Variants in FCN2 observed in about 807,000 individuals in gnomAD.
The protein encoded by FCN2 is ficolin-2.
A neutral mutation model predicts 32.5 loss-of-function variants in FCN2; 31 were observed. That is an observed-to-expected ratio of 0.96 (90% confidence interval 0.72 to 1.29). The LOEUF is 1.29. FCN2 is among the 50% of genes most tolerant of loss of function. FCN2 has a pLI of 0.00. For missense variants in FCN2, 412 were observed against 406.5 expected, an observed-to-expected ratio of 1.01 and a Z score of -0.12; for synonymous variants, 181 against 164.5, an observed-to-expected ratio of 1.10 and a Z score of -0.77.
In FCN2 at chr9:134,886,489, T is replaced by C. The variant is rs1262621132; in HGVS notation, c.619T>C (p.Tyr207His). The C allele has an allele frequency of 1.4e-5, 23 of 1,614,004 alleles. No homozygotes were observed. The highest frequency in any genetic ancestry group is 1.9e-5 in the Non-Finnish European group (23 of 1,180,028). ...TGAGGACAACTACCAGTTTGCTAAG[T>C]ACAGATCATTCAAGGTGGCCGACGA... ...DFEDNYQFAK[Y>H]RSFKVADEAE... The change falls in exon 7 of 8, where the codon TAC becomes CAC. Residue 207 changes from tyrosine to histidine, a missense_variant. Physicochemically the swap from Tyr to His is moderately conservative, Grantham distance 83. Transcript: ENST00000291744.
Position 134,886,484 on chromosome 9 carries a change from C to T in FCN2, c.614C>T (p.Ala205Val). The change falls in exon 7 of 8, where the codon GCT becomes GTT. Residue 205 changes from alanine (A) to valine (V), a missense_variant. Transcript: ENST00000291744. The stretch of plus-strand genomic sequence containing the variant: ...GACTTTGAGGACAACTACCAGTTTG[C>T]TAAGTACAGATCATTCAAGGTGGCC... ...LVDFEDNYQF[A>V]KYRSFKVADE... 1 of 1,614,124 alleles carries T rather than the reference C, an allele frequency of 6.2e-7. No homozygotes were observed. The highest frequency in any genetic ancestry group is 8.5e-7 in the Non-Finnish European group (1 of 1,180,008).
the FCN2 span, among the ~76,000 whole-genome samples, chr9:134,870,560 C>A: frequency 1.3e-5 from 2 of 152,106 alleles, no homozygotes; most frequent in Non-Finnish European, 2.9e-5. This position sits in a 1 kb window ranked among gnomAD's most constrained non-coding sequence, Gnocchi z 4.3. Flanking sequence ...GGGGGGTGCC[C>A]TGGGTGCCTC....
rs563889241 is a variant in FCN2 at position 134,885,724 on chromosome 9, G to T, written c.430-44G>T. The T allele has an allele frequency of 1.8e-5, 29 of 1,613,304 alleles. 2 individuals are homozygous for T. In the South Asian group the frequency reaches 2.9e-4, roughly 16 times the overall value. On this transcript the variant is annotated intron_variant, in intron 5 of 7. Transcript: ENST00000291744. Reference sequence around the variant, plus strand: ...GGGCGGGTCCCCCGTGCTGTGGGACGTCGGCCTGGCCCCCCCGGCTCCTGT... The same window carrying T: ...GGGCGGGTCCCCCGTGCTGTGGGACTTCGGCCTGGCCCCCCCGGCTCCTGT...
At chr9:134,883,202 T>G in intron 2 of FCN2, 100 bp from the exon 3 acceptor site, 1 of 1,006,612 alleles carries the variant, frequency 9.9e-7, no homozygotes. Flanking sequence ...ACGAGCAGGG[T>G]CATGGTCATG....
At chr9:134,886,607 G>C (rs745401081) in intron 7 of FCN2, 43 bp downstream of exon 7, 1 of 1,610,660 alleles carries the variant, frequency 6.2e-7, no homozygotes, top group Non-Finnish European at 8.5e-7. Flanking sequence ...CTTCTGAGGG[G>C]GGTTTGGGAA....
upstream of FCN2, chr9:134,880,751 G>T (rs1249821196): frequency 8.4e-7 from 1 of 1,188,988 alleles, no homozygotes; most frequent in Non-Finnish European, 1.2e-6. Flanking sequence ...TGAGAAATTG[G>T]AGTCTGAGGG....
chr9:134,873,460 T>C, the FCN2 span, among the ~76,000 whole-genome samples: 1 of 152,146 alleles, frequency 6.6e-6, no homozygotes, highest in Non-Finnish European at 1.5e-5. Flanking sequence ...CTGTCCTCAT[T>C]GCCTCCTTTT....
chr9:134,877,542 T>A (rs144277866), upstream of FCN2, among the ~76,000 whole-genome samples: 566 of 152,336 alleles, frequency 3.7e-3, 1 homozygote, highest in Non-Finnish European at 5.1e-3. Flanking sequence ...GTTATTTTAG[T>A]GGCCACGTTA....
At chr9:134,867,380 T>C in the FCN2 span, among the ~76,000 whole-genome samples, 1 of 150,922 alleles carries the variant, frequency 6.6e-6, no homozygotes, top group African/African-American at 2.4e-5. Context: ...CTCAGTAAAC[T>C]ATCACAAGAA....
the FCN2 span, among the ~76,000 whole-genome samples, chr9:134,873,905 TTTTG>T: frequency 4.8e-5 from 1 of 20,654 alleles, no homozygotes; most frequent in South Asian, 2.4e-3. Flanking sequence ...TTTTGTTTTT[TTTTG>T]TTTTTGTTTT....
chr9:134,867,725 C>G, the FCN2 span, among the ~76,000 whole-genome samples: 9 of 151,694 alleles, frequency 5.9e-5, no homozygotes, highest in East Asian at 1.8e-3. Flanking sequence ...ACACCTGGCT[C>G]TGTGTCCTTG....
the FCN2 span, among the ~76,000 whole-genome samples, chr9:134,865,872 T>G: frequency 1.3e-5 from 2 of 151,976 alleles, no homozygotes; most frequent in Non-Finnish European, 2.9e-5. Context: ...AAATCATGAG[T>G]GAACTCCCAT....
At chr9:134,865,845 C>T in the FCN2 span, among the ~76,000 whole-genome samples, 28 of 152,256 alleles carry the variant, frequency 1.8e-4, no homozygotes, top group African/African-American at 6.5e-4. Flanking sequence ...ACACCAACAA[C>T]AGACAAACAG....
rs78935511 is a variant in FCN2, at chr9:134,881,824, T to C, written c.101-702T>C. On this transcript the variant is annotated intron_variant, in intron 1 of 7. Coordinates refer to ENST00000291744, the MANE Select transcript of FCN2 (RefSeq NM_004108.3). ...CATTATTTTCTTCCTTAAATACTTC[T>C]AGAGTTTCTAAATGATCAAATAATA... 1.7e-3 allele frequency among the ~76,000 whole-genome samples: 253 copies of C among 152,346 alleles called. 2 individuals carry two copies. The East Asian group carries it at 0.044, about 27-fold the overall frequency.
At chr9:134,885,113 C>A in intron 4 of FCN2, 126 bp from the exon 5 acceptor site, 1 of 1,373,998 alleles carries the variant, frequency 7.3e-7, no homozygotes, top group Non-Finnish European at 1.0e-6. Flanking sequence ...CTGTCCAGGC[C>A]TCAGAGTCCC....
upstream of FCN2, among the ~76,000 whole-genome samples, chr9:134,876,760 T>C (rs1830606836): frequency 6.6e-6 from 1 of 152,108 alleles, no homozygotes. Context: ...GTATTTTTAG[T>C]AGAGAAGGGG....
upstream of FCN2, among the ~76,000 whole-genome samples, chr9:134,879,762 C>T (rs577668371): frequency 2.4e-4 from 36 of 152,272 alleles, no homozygotes; most frequent in Middle Eastern, 0.014. Context: ...CGTGGCTTTG[C>T]TGGGCTGGGG....
upstream of FCN2, among the ~76,000 whole-genome samples, chr9:134,877,487 G>A (rs778812806): frequency 1.8e-4 from 28 of 152,072 alleles, no homozygotes; most frequent in Non-Finnish European, 3.8e-4. Flanking sequence ...TAATTCCATT[G>A]TTGTCCGAGA....
chr9:134,869,518 G>A, the FCN2 span, among the ~76,000 whole-genome samples: 1 of 152,196 alleles, frequency 6.6e-6, no homozygotes, highest in African/African-American at 2.4e-5. Flanking sequence ...CCCGGAGAGG[G>A]CTCAGACCCC....
Sources: gnomAD v4.1 joint callset for allele counts (sites outside exome capture counted in the v4.1 genomes callset) on GRCh38, gnomAD v4.1.1 for gene constraint, Gnocchi (gnomAD v3.1) non-coding constraint, MANE v1.5 for transcripts, NCBI Gene and HGNC (gene_info 2026-07-23, HGNC 2026-07-21) for gene names.